Variants in FANCI observed in about 807,000 individuals in gnomAD.
FANCI encodes the protein Fanconi anemia group I protein.
A neutral mutation model predicts 176.1 loss-of-function variants in FANCI; 156 were observed. The ratio of observed to expected loss-of-function variants is 0.89; its 90% CI spans 0.78 to 1.01. The LOEUF (loss-of-function observed/expected upper bound fraction) is 1.01. Ranked by LOEUF, FANCI falls within the 50% of genes least tolerant of loss-of-function variation. The pLI is 0.00. For missense variants in FANCI, 1,678 were observed against 1,534.1 expected, an observed-to-expected ratio of 1.09 and a Z score of -1.57; for synonymous variants, 613 against 541.7, an observed-to-expected ratio of 1.13 and a Z score of -1.83.
chr15:89,299,690 G>GT, intron 24 of FANCI, 110 bp from the exon 25 acceptor site: 6 of 1,123,976 alleles, frequency 5.3e-6, no homozygotes, highest in African/African-American at 1.6e-5. Context: ...AACCATGTAA[G>GT]TTTTTTTAAA....
intron 24 of FANCI, 34 bp downstream of exon 24, chr15:89,295,128 A>T: frequency 6.5e-7 from 1 of 1,545,398 alleles, no homozygotes. Flanking sequence ...AACTTATTCC[A>T]CTTGGCTGTG....
At chr15:89,278,909 T>A in intron 14 of FANCI, 135 bp downstream of exon 14, 3 of 690,910 alleles carry the variant, frequency 4.3e-6, no homozygotes, top group East Asian at 5.4e-5. Context: ...ATAAAGGAAA[T>A]CCATTTATGT....
intron 24 of FANCI, among the ~76,000 whole-genome samples, chr15:89,297,613 C>T (rs986025034): frequency 6.6e-6 from 1 of 152,096 alleles, no homozygotes; most frequent in Admixed American, 6.5e-5. Context: ...ATACGAAAAC[C>T]AGTCAGGTGT....
chr15:89,280,512 GT>G (rs2053574839), intron 14 of FANCI, among the ~76,000 whole-genome samples: 1 of 151,826 alleles, frequency 6.6e-6, no homozygotes, highest in African/African-American at 2.4e-5. Context: ...CTTTATATAT[GT>G]AGGCCTTTCT....
At chr15:89,314,760 C>A in intron 36 of FANCI, 53 bp downstream of exon 36, 2 of 1,344,046 alleles carry the variant, frequency 1.5e-6, no homozygotes, top group Non-Finnish European at 2.1e-6. Context: ...CTTGACAGAT[C>A]TGGCAAACTG....
At chr15:89,293,744 A>G in intron 22 of FANCI, 89 bp from the exon 23 acceptor site, 1 of 1,224,586 alleles carries the variant, frequency 8.2e-7, no homozygotes, top group South Asian at 1.3e-5. Context: ...TATGACATTT[A>G]AAGAAGCATT....
At chr15:89,314,537 G>GT in intron 35 of FANCI, 75 bp from the exon 36 acceptor site, 1 of 1,090,468 alleles carries the variant, frequency 9.2e-7, no homozygotes, top group Non-Finnish European at 1.4e-6. Flanking sequence ...ATACAGTTTT[G>GT]TAAGTGACAG....
At chr15:89,301,571 C>T (rs2054525219) in intron 27 of FANCI, 129 bp downstream of exon 27, 1 of 778,422 alleles carries the variant, frequency 1.3e-6, no homozygotes, top group Non-Finnish European at 2.3e-6. Flanking sequence ...TAATTATACA[C>T]CTGAGTTAAT....
chr15:89,285,182 A>C lies in FANCI; in HGVS notation c.1785A>C (p.Leu595Phe), dbSNP rs1486901118. 6.2e-7 allele frequency: 1 copy of C among 1,614,198 alleles called. No individual in the cohort carries two copies. Among genetic ancestry groups the C allele is most frequent in the Non-Finnish European group, 8.5e-7 (1 of 1,180,026 alleles). ...TCATGGATAGTTTGAGGAGATGCTT[A>C]AGCCAGCAAGCTGATGTTCGACTCA... Reference protein sequence around the residue: ...LEIMDSLRRCLSQQADVRLML... With the variant: ...LEIMDSLRRCFSQQADVRLML... Residue 595 changes from leucine (L) to phenylalanine (F), a missense_variant, in exon 18 of 38, where the codon TTA (leucine) becomes TTC (phenylalanine). Leu to Phe is a conservative substitution (Grantham distance 22, BLOSUM62 0). Around this residue, in one of 3 missense-constraint regions of FANCI, gnomAD observed 1,204 missense variants for 1,077.4 expected, o/e 1.12. Transcript: ENST00000310775.
chr15:89,300,024 C>G, intron 25 of FANCI, 58 bp downstream of exon 25: 1 of 1,580,220 alleles, frequency 6.3e-7, no homozygotes. Flanking sequence ...AGCTCAACCC[C>G]TTAATTCCAT....
At chr15:89,261,461 C>A in intron 4 of FANCI, 124 bp from the exon 5 acceptor site, 5 of 1,196,430 alleles carry the variant, frequency 4.2e-6, no homozygotes, top group Non-Finnish European at 4.9e-6. Flanking sequence ...TCCATAAATC[C>A]CTTATGGGAC....
chr15:89,286,610 A>G (rs889593655), intron 18 of FANCI, among the ~76,000 whole-genome samples: 18 of 152,186 alleles, frequency 1.2e-4, no homozygotes, highest in Non-Finnish European at 2.6e-4. Context: ...TCAGCAAACC[A>G]TGCTATAAAC....
Position 89,316,681 on chromosome 15 carries a change from G to C in FANCI, c.*222G>C, listed in dbSNP as rs2055276357. The C allele has an allele frequency of 7.4e-7, 1 of 1,352,130 alleles. No individual in the cohort carries two copies. The allele number at this position is 1,352,130 out of a possible 1,614,324, so 83.8% of individuals were successfully genotyped here. ...CCTTTTGCAAAAAGCACAGCTGAAAGCCTGAGTTTGGGAGCCTGCACCACC... is the reference window on the plus strand; with the variant it reads ...CCTTTTGCAAAAAGCACAGCTGAAACCCTGAGTTTGGGAGCCTGCACCACC... On this transcript the variant is annotated 3_prime_UTR_variant, in exon 38 of 38. Transcript: ENST00000310775.
At chr15:89,276,053 G>A (rs2053399565) in intron 12 of FANCI, among the ~76,000 whole-genome samples, 1 of 152,216 alleles carries the variant, frequency 6.6e-6, no homozygotes. Flanking sequence ...ACTTCATTCT[G>A]TAGTGCTGCA....
intron 35 of FANCI, among the ~76,000 whole-genome samples, chr15:89,313,972 A>AACACACAC (rs1555451175): frequency 2.4e-5 from 2 of 82,922 alleles, no homozygotes; most frequent in African/African-American, 9.8e-5. Flanking sequence ...AAGATATATA[A>AACACACAC]TCACACACAC....
intron 17 of FANCI, 25 bp downstream of exon 17, chr15:89,283,275 C>G: frequency 6.2e-7 from 1 of 1,613,396 alleles, no homozygotes; most frequent in Non-Finnish European, 8.5e-7. Flanking sequence ...CGTTAACTTG[C>G]AGTGTGTGCG....
At position 89,285,162 on chromosome 15, in the gene FANCI, G is replaced by A. The variant is rs374176569; in HGVS notation, c.1765G>A (p.Asp589Asn). ...TGAAACTTTTTGCCTTGAGATCATG[G>A]ATAGTTTGAGGAGATGCTTAAGCCA... ...ANETFCLEIM[D>N]SLRRCLSQQA... The change falls in exon 18 of 38, where the codon GAT becomes AAT. Residue 589 changes from aspartate (D) to asparagine (N), a missense_variant. This residue lies in a region of FANCI where 1,204 missense variants were observed against 1,077.4 expected (regional missense o/e 1.12). Transcript: ENST00000310775. The A allele has an allele frequency of 7.4e-6, 12 of 1,614,082 alleles. No homozygotes were observed. The African/African-American group carries it at 1.5e-4, about 20-fold the overall frequency.
At chr15:89,317,143 TG>T (rs1176533350), downstream of FANCI, 2 of 601,676 alleles carry the variant, frequency 3.3e-6, no homozygotes, top group Non-Finnish European at 5.9e-6. Flanking sequence ...CTTCTGTGGT[TG>T]AAGTAGGGGA....
intron 14 of FANCI, 103 bp downstream of exon 14, chr15:89,278,877 C>T (rs764131147): frequency 3.6e-6 from 3 of 826,576 alleles, no homozygotes; most frequent in South Asian, 1.4e-5. Flanking sequence ...CATTTAAATG[C>T]AGTATCTTTG....
Sources: gnomAD v4.1 joint callset for allele counts (sites outside exome capture counted in the v4.1 genomes callset) on GRCh38, gnomAD v4.1.1 for gene constraint, gnomAD v4.1.1 regional missense constraint, MANE v1.5 for transcripts, NCBI Gene and HGNC (gene_info 2026-07-23, HGNC 2026-07-21) for gene names.